PRR5L: variants seen among roughly 807,000 people sequenced by gnomAD.
The protein encoded by PRR5L is proline-rich protein 5-like.
A neutral mutation model predicts 36.4 loss-of-function variants in PRR5L; 21 were observed. The ratio of observed to expected loss-of-function variants is 0.58; its 90% CI spans 0.41 to 0.83. The LOEUF (loss-of-function observed/expected upper bound fraction) is 0.83, where lower values mean the gene tolerates loss of function less well. Among genes scored for constraint, PRR5L ranks in the 40% least tolerant of loss-of-function variants. The pLI is 0.00. For synonymous variants in PRR5L, 188 were observed against 197.0 expected (o/e 0.95, Z 0.38); for missense variants, 381 against 473.3 (o/e 0.80, Z 1.81).
At chr11:36,431,453 A>G (rs879840605) in intron 4 of PRR5L, among the ~76,000 whole-genome samples, 7 of 133,712 alleles carry the variant, frequency 5.2e-5, no homozygotes, top group Admixed American at 4.5e-4. Context: ...CCCTAAATTT[A>G]TCTTTTTTTT....
At chr11:36,299,688 G>T (rs993444438) in intron 1 of PRR5L, among the ~76,000 whole-genome samples, 1 of 152,170 alleles carries the variant, frequency 6.6e-6, no homozygotes, top group Non-Finnish European at 1.5e-5. Context: ...GCTCAGAAAG[G>T]TTAACGAATT....
At chr11:36,367,779 C>T (rs180681277) in intron 1 of PRR5L, among the ~76,000 whole-genome samples, 69 of 149,838 alleles carry the variant, frequency 4.6e-4, no homozygotes, top group Non-Finnish European at 7.2e-4. Flanking sequence ...TCTCTGTTGC[C>T]GTCTCTCTCT....
chr11:36,433,346 TATG>T (rs1858539495), intron 5 of PRR5L, among the ~76,000 whole-genome samples: 1 of 152,216 alleles, frequency 6.6e-6, no homozygotes, highest in Non-Finnish European at 1.5e-5. Flanking sequence ...AGTGGAATCA[TATG>T]GTGTTTGTCC....
intron 1 of PRR5L, among the ~76,000 whole-genome samples, chr11:36,347,263 A>G (rs1463969542): frequency 6.6e-6 from 1 of 152,200 alleles, no homozygotes; most frequent in Non-Finnish European, 1.5e-5. Context: ...AATGAAATAC[A>G]TATGCAGTGG....
intron 1 of PRR5L, among the ~76,000 whole-genome samples, chr11:36,364,881 C>T (rs1857128393): frequency 6.6e-6 from 1 of 152,162 alleles, no homozygotes; most frequent in Middle Eastern, 3.2e-3. Context: ...TCCTTTCTCC[C>T]TCCCTCCGTT....
At chr11:36,362,109 C>A (rs1252393485) in intron 1 of PRR5L, 2 of 150,708 alleles carry the variant, frequency 1.3e-5, no homozygotes, top group Non-Finnish European at 2.9e-5. Context: ...CAGGCAGTCA[C>A]CAGAGACTCC....
intron 1 of PRR5L, among the ~76,000 whole-genome samples, chr11:36,364,702 C>G (rs1182144799): frequency 1.3e-5 from 2 of 152,288 alleles, no homozygotes; most frequent in East Asian, 3.9e-4. Flanking sequence ...GCAAGTGTAG[C>G]CAGGACCTCA....
intron 3 of PRR5L, among the ~76,000 whole-genome samples, chr11:36,414,084 G>A (rs1486925972): frequency 2.0e-5 from 3 of 149,900 alleles, no homozygotes; most frequent in African/African-American, 5.0e-5. Flanking sequence ...TGGTGTATAT[G>A]TGCCACATTT....
rs866588520 is a variant in PRR5L at position 36,414,538 on chromosome 11, C to G, written c.246-4717C>G. 1.8e-4 allele frequency among the ~76,000 whole-genome samples: 26 copies of G among 145,372 alleles called. 1 individual carries two copies. Among genetic ancestry groups the G allele is most frequent in the Admixed American group, 3.4e-4 (5 of 14,788 alleles). ...TTGAGAAGTGTCTGTTCATGTCCTT[C>G]GCCCACTTTTTGATGGGGTTGTTTG... On this transcript the variant is annotated intron_variant, in intron 3 of 8. Transcript: ENST00000530639.
At chr11:36,301,266 G>A (rs1237478919) in intron 1 of PRR5L, among the ~76,000 whole-genome samples, 9 of 152,140 alleles carry the variant, frequency 5.9e-5, no homozygotes, top group Non-Finnish European at 1.2e-4. Flanking sequence ...TTGGGCCCTG[G>A]GAGGGCCACA....
chr11:36,356,857 A>G lies in PRR5L; in HGVS notation c.-125-44140A>G, dbSNP rs139819377. ...CAATATTATTGAAATTAGCCAATTA[A>G]TAATGCCACAATGACCTCTAAGTGT... On this transcript the variant is annotated intron_variant, in intron 1 of 8. Coordinates refer to ENST00000530639, the MANE Select transcript of PRR5L (RefSeq NM_001160167.2). 3.3e-3 allele frequency among the ~76,000 whole-genome samples: 504 copies of G among 152,304 alleles called. 2 individuals are homozygous for G. The highest frequency in any genetic ancestry group is 5.4e-3 in the Non-Finnish European group (370 of 68,028).
intron 8 of PRR5L, among the ~76,000 whole-genome samples, chr11:36,457,983 G>C (rs999917195): frequency 4.6e-5 from 7 of 152,192 alleles, no homozygotes; most frequent in Non-Finnish European, 7.3e-5. Flanking sequence ...TATAGTTATT[G>C]ATTTTGGAGA....
chr11:36,403,815 A>G (rs1181129118), intron 3 of PRR5L, among the ~76,000 whole-genome samples: 2 of 152,206 alleles, frequency 1.3e-5, no homozygotes, highest in Non-Finnish European at 2.9e-5. Flanking sequence ...CACTGGAGAG[A>G]CAGCAAGGAC....
At chr11:36,403,961 A>C (rs907436150) in intron 3 of PRR5L, among the ~76,000 whole-genome samples, 3 of 152,236 alleles carry the variant, frequency 2.0e-5, no homozygotes, top group Non-Finnish European at 4.4e-5. Context: ...TGATGAAAGC[A>C]TATGTTAAAA....
chr11:36,385,968 T>C (rs973273819), intron 1 of PRR5L, among the ~76,000 whole-genome samples: 15 of 152,250 alleles, frequency 9.9e-5, no homozygotes, highest in Non-Finnish European at 1.8e-4. Flanking sequence ...CTACTCTTCC[T>C]GGTGGCTTGG....
intron 3 of PRR5L, among the ~76,000 whole-genome samples, chr11:36,409,338 G>A (rs186232608): frequency 4.7e-4 from 72 of 152,248 alleles, no homozygotes; most frequent in African/African-American, 1.6e-3. Flanking sequence ...GCCTGAGACA[G>A]GAAACGCACA....
At chr11:36,455,741 G>A (rs1859043360) in intron 8 of PRR5L, among the ~76,000 whole-genome samples, 1 of 152,194 alleles carries the variant, frequency 6.6e-6, no homozygotes, top group Admixed American at 6.5e-5. Context: ...GTCGCTGTCT[G>A]CCAGCCCCGG....
At chr11:36,437,945 G>T (rs898460574) in intron 6 of PRR5L, among the ~76,000 whole-genome samples, 4 of 152,300 alleles carry the variant, frequency 2.6e-5, no homozygotes, top group Admixed American at 6.5e-5. Context: ...GATCCTACGT[G>T]ATTTAGTAGG....
intron 1 of PRR5L, among the ~76,000 whole-genome samples, chr11:36,302,311 G>C (rs967247573): frequency 1.3e-5 from 2 of 152,198 alleles, no homozygotes; most frequent in African/African-American, 4.8e-5. Flanking sequence ...AGAGGGAACA[G>C]CCTGTGTGTA....
Sources: gnomAD v4.1 joint callset for allele counts (sites outside exome capture counted in the v4.1 genomes callset) on GRCh38, gnomAD v4.1.1 for gene constraint, MANE v1.5 for transcripts, NCBI Gene and HGNC (gene_info 2026-07-23, HGNC 2026-07-21) for gene names.